ZNF879: variants seen among roughly 807,000 people sequenced by gnomAD.
ZNF879 encodes zinc finger protein 879.
ZNF879 carries 32 observed loss-of-function variants against 44.3 expected under a neutral mutation model. The observed-to-expected ratio is 0.72, with a 90% CI of 0.54 to 0.97. The LOEUF (loss-of-function observed/expected upper bound fraction) is 0.97. Among genes scored for constraint, ZNF879 ranks in the 50% least tolerant of loss-of-function variants. ZNF879 has a pLI of 0.00. For missense variants in ZNF879, 621 were observed against 669.7 expected (o/e 0.93, Z 0.80); for synonymous variants, 234 against 233.2 (o/e 1.00, Z -0.03).
rs1415629377 is a variant in ZNF879, at chr5:179,033,356, G to C, written c.1408G>C (p.Gly470Arg). 3.8e-6 allele frequency: 6 copies of C among 1,563,316 alleles called. No individual in the cohort carries two copies. The highest frequency in any genetic ancestry group is 1.9e-5 in the Admixed American group (1 of 52,062). The change falls in exon 5 of 5, where the codon GGC becomes CGC. Residue 470 changes from glycine to arginine, a missense_variant. By Grantham distance (125) the Gly-to-Arg change is moderately radical. Transcript: ENST00000444149. ...ECGKAFSSHS[G>R]VNTHRKIHTG... ...TGGAAAAGCCTTCAGTTCCCACTCA[G>C]GCGTTAATACTCATCGAAAAATTCA... is the stretch of plus-strand genomic sequence containing the variant.
At position 179,033,099 on chromosome 5, in the gene ZNF879, A is replaced by C. The variant is rs1241272800; in HGVS notation, c.1151A>C (p.His384Pro). The C allele has an allele frequency of 5.7e-6, 9 of 1,572,840 alleles. No individual in the cohort carries two copies. The East Asian group carries it at 1.4e-4, about 25-fold the overall frequency. ...CNECGKVFSYHSALIIHQRIH... is the reference protein window; with the variant it reads ...CNECGKVFSYPSALIIHQRIH... ...GAGTGTGGAAAAGTATTCAGCTATCACTCAGCCCTTATCATACATCAGAGA... is the reference window on the plus strand; with the variant it reads ...GAGTGTGGAAAAGTATTCAGCTATCCCTCAGCCCTTATCATACATCAGAGA... Residue 384 changes from histidine to proline, a missense_variant, in exon 5 of 5, where the codon CAC (histidine) becomes CCC (proline). His to Pro is a moderately conservative substitution (Grantham distance 77). Transcript: ENST00000444149.
At position 179,028,084 on chromosome 5, in the gene ZNF879, C is replaced by G. The variant is rs568666692; in HGVS notation, c.213C>G (p.Asp71Glu). The G allele has an allele frequency of 6.4e-7, 1 of 1,551,534 alleles. No homozygotes were observed. The highest frequency in any genetic ancestry group is 1.2e-5 in the South Asian group (1 of 84,054). Residue 71 changes from aspartate to glutamate, a missense_variant, in exon 4 of 5, where the codon GAC becomes GAG. Transcript: ENST00000444149. Reference protein sequence around the residue: ...KVISQLEQGEDPWMVESGVPQ... With the variant: ...KVISQLEQGEEPWMVESGVPQ... ...TCTCCCAGTTAGAGCAAGGAGAAGA[C>G]CCCTGGATGGTGGAGAGTGGAGTTC...
chr5:179,028,122 A>G lies in ZNF879; in HGVS notation c.251A>G (p.His84Arg), dbSNP rs755915080. The change falls in exon 4 of 5, where the codon CAT (histidine) becomes CGT (arginine). Residue 84 changes from histidine to arginine, a missense_variant. His to Arg is a conservative substitution (Grantham distance 29, BLOSUM62 0). Coordinates refer to ENST00000444149, the MANE Select transcript of ZNF879 (RefSeq NM_001136116.3). ...MVESGVPQGA[H>R]LGWESLFGTI... is the part of the protein sequence containing the mutation. ...GAGAGTGGAGTTCCCCAAGGCGCACATCTCGGTGAGTGACAGAGTAATTGG... is the reference window on the plus strand; with the variant it reads ...GAGAGTGGAGTTCCCCAAGGCGCACGTCTCGGTGAGTGACAGAGTAATTGG... The G allele has an allele frequency of 1.9e-6, 3 of 1,551,188 alleles. No individual in the cohort carries two copies. Among genetic ancestry groups the G allele is most frequent in the South Asian group, 2.4e-5 (2 of 84,042 alleles).
At chr5:179,024,738 C>T in intron 1 of ZNF879, 1 of 508,636 alleles carries the variant, frequency 2.0e-6, no homozygotes, top group Non-Finnish European at 3.5e-6. Flanking sequence ...TTCATCCCTT[C>T]GCTCCTTTCG....
rs1376471758 is a variant in ZNF879, at chr5:179,023,846, T to A, written c.-94T>A. On this transcript the variant is annotated 5_prime_UTR_variant, in exon 1 of 5. Coordinates refer to ENST00000444149, the MANE Select transcript of ZNF879 (RefSeq NM_001136116.3). ...CGACGGGAAACGTCTCTGAATTAGG[T>A]GTTCCGCTCGCCTCTTGTGCGGTGT... 6.6e-6 allele frequency: 1 copy of A among 152,274 alleles called. No homozygotes were observed. Among genetic ancestry groups the A allele is most frequent in the Non-Finnish European group, 1.5e-5 (1 of 68,062 alleles). 9.4% of individuals were successfully genotyped at this position (152,274 alleles called of 1,614,324 possible). A position where few individuals can be genotyped will look rare whatever the true frequency, so the allele number is the denominator to read the frequency against.
intron 2 of ZNF879, 130 bp downstream of exon 2, chr5:179,025,167 T>G: frequency 1.0e-6 from 1 of 994,924 alleles, no homozygotes. Context: ...GCTGAGAAAC[T>G]CTGGAAGGAA....
chr5:179,030,756 G>T (rs1039278809), intron 4 of ZNF879, among the ~76,000 whole-genome samples: 9 of 152,226 alleles, frequency 5.9e-5, no homozygotes, highest in Admixed American at 2.0e-4. Context: ...AATAAAAGCT[G>T]TTTCATAAAA....
intron 4 of ZNF879, among the ~76,000 whole-genome samples, chr5:179,031,333 C>T (rs1168277724): frequency 6.6e-6 from 1 of 152,206 alleles, no homozygotes; most frequent in Non-Finnish European, 1.5e-5. Context: ...GTGACACTCT[C>T]TTCTTGTTCA....
In ZNF879 at chr5:179,033,774, C is replaced by A; in HGVS notation, c.*134C>A. On this transcript the variant is annotated 3_prime_UTR_variant, in exon 5 of 5. Coordinates refer to ENST00000444149, the MANE Select transcript of ZNF879 (RefSeq NM_001136116.3). ...TTCAGCATTAGACCTCATCACACAT[C>A]AGAGACTTCATGATGCAGGGTAACC... 2 of 595,924 alleles carry A rather than the reference C, an allele frequency of 3.4e-6. No homozygotes were observed. Among genetic ancestry groups the A allele is most frequent in the Non-Finnish European group, 5.6e-6 (2 of 357,136 alleles). 36.9% of individuals were successfully genotyped at this position (595,924 alleles called of 1,614,324 possible).
chr5:179,024,100 C>T (rs1368990065), intron 1 of ZNF879, among the ~76,000 whole-genome samples, 196 bp downstream of exon 1: 1 of 152,180 alleles, frequency 6.6e-6, no homozygotes, highest in African/African-American at 2.4e-5. Flanking sequence ...GGCGCTTCGA[C>T]GCCGCTGGAC....
intron 4 of ZNF879, among the ~76,000 whole-genome samples, chr5:179,030,204 A>G (rs1403204310): frequency 6.6e-6 from 1 of 152,188 alleles, no homozygotes; most frequent in Admixed American, 6.5e-5. Context: ...TAGATACCCA[A>G]TGTGTTGCCA....
At chr5:179,028,211 T>C in intron 4 of ZNF879, 84 bp downstream of exon 4, 1 of 1,216,354 alleles carries the variant, frequency 8.2e-7, no homozygotes, top group Non-Finnish European at 1.2e-6. Flanking sequence ...AAGGGTCTCC[T>C]TGATGTGCCA....
intron 1 of ZNF879, among the ~76,000 whole-genome samples, chr5:179,024,108 G>A (rs1195014359): frequency 6.6e-6 from 1 of 152,188 alleles, no homozygotes; most frequent in Non-Finnish European, 1.5e-5. Flanking sequence ...GACGCCGCTG[G>A]ACTCCTGGGC....
chr5:179,029,068 TTTG>T (rs1469833496), intron 4 of ZNF879, among the ~76,000 whole-genome samples: 1 of 135,360 alleles, frequency 7.4e-6, no homozygotes, highest in Non-Finnish European at 1.6e-5. Context: ...TCCTCTGAGA[TTTG>T]TTGTTTTGGA....
intron 4 of ZNF879, among the ~76,000 whole-genome samples, chr5:179,028,571 G>A (rs796495532): frequency 6.6e-5 from 10 of 151,794 alleles, no homozygotes; most frequent in African/African-American, 2.4e-4. Context: ...GGTTCAAAAG[G>A]GGGAAAAAAG....
Position 179,027,539 on chromosome 5 carries a change from G to T in ZNF879, c.100G>T (p.Ala34Ser), listed in dbSNP as rs1313709516. 6.2e-7 allele frequency: 1 copy of T among 1,614,174 alleles called. No individual in the cohort carries two copies. The highest frequency in any genetic ancestry group is 2.2e-5 in the East Asian group (1 of 44,872). Reference protein sequence around the residue: ...SQDEWLHLDSAQRALYREVML... With the variant: ...SQDEWLHLDSSQRALYREVML... ...GGACGAGTGGTTGCACCTGGACTCTGCCCAGAGAGCCTTGTACCGGGAGGT... is the reference window on the plus strand; with the variant it reads ...GGACGAGTGGTTGCACCTGGACTCTTCCCAGAGAGCCTTGTACCGGGAGGT... Residue 34 changes from alanine (A) to serine (S), a missense_variant, in exon 3 of 5, where the codon GCC becomes TCC. Transcript: ENST00000444149.
chr5:179,032,212 A>G lies in ZNF879; in HGVS notation c.264A>G (p.Glu88=), dbSNP rs892310671. 1 of 1,507,594 alleles carries G rather than the reference A, an allele frequency of 6.6e-7. No homozygotes were observed. The allele number at this position is 1,507,594 out of a possible 1,614,324, so 93.4% of individuals were successfully genotyped here. A position where few individuals can be genotyped will look rare whatever the true frequency, so the allele number is the denominator to read the frequency against. ...GVPQGAHLGW[E]SLFGTIVSKE... is the part of the protein sequence containing the mutation. ...ATGTTTTGTCTACTTTAGGATGGGA[A>G]AGCTTGTTTGGAACCATAGTTTCTA... The change falls in exon 5 of 5, where the codon GAA becomes GAG. Residue 88 remains glutamate (E), a synonymous_variant. Coordinates refer to ENST00000444149, the MANE Select transcript of ZNF879 (RefSeq NM_001136116.3).
Position 179,028,995 on chromosome 5 carries a change from G to T in ZNF879, c.256+868G>T, listed in dbSNP as rs551766936. 1.8e-3 allele frequency among the ~76,000 whole-genome samples: 272 copies of T among 151,756 alleles called. 1 individual carries two copies. The highest frequency in any genetic ancestry group is 6.2e-3 in the African/African-American group (256 of 41,384). On this transcript the variant is annotated intron_variant, in intron 4 of 4. Coordinates refer to ENST00000444149, the MANE Select transcript of ZNF879 (RefSeq NM_001136116.3). ...GACTAGAATATTTTCTTGGGTAACG[G>T]TTTTCAAAAAAGGTTCATGTGTGCA... is the stretch of plus-strand genomic sequence containing the variant.
intron 2 of ZNF879, among the ~76,000 whole-genome samples, chr5:179,026,099 A>G (rs146432789): frequency 0.25 from 37,612 of 148,594 alleles, 5,099 homozygotes; most frequent in East Asian, 0.4. Context: ...AAAAAAAAAA[A>G]AAACAAAGAA....
Sources: allele counts gnomAD v4.1 joint callset (sites outside exome capture counted in the v4.1 genomes callset), GRCh38; gene constraint gnomAD v4.1.1; transcripts MANE v1.5; gene names NCBI Gene and HGNC (gene_info 2026-07-23, HGNC 2026-07-21).